CNTNAP2: variants seen among roughly 807,000 people sequenced by gnomAD.
The protein encoded by CNTNAP2 is contactin-associated protein-like 2.
A neutral mutation model predicts 155.2 loss-of-function variants in CNTNAP2; 98 were observed. The observed-to-expected ratio is 0.63, with a 90% CI of 0.54 to 0.75. CNTNAP2 has a LOEUF of 0.75. Among genes scored for constraint, CNTNAP2 ranks in the 30% least tolerant of loss-of-function variants. The probability of loss-of-function intolerance (pLI) is 0.00; values close to 1 mark genes in which losing one functional copy is unlikely to be tolerated. For missense variants in CNTNAP2, 1,727 were observed against 1,688.1 expected (o/e 1.02, Z -0.40); for synonymous variants, 651 against 631.2 (o/e 1.03, Z -0.47).
rs1014698450 is a variant in CNTNAP2 at position 148,228,869 on chromosome 7, C to T, written c.3248-777C>T. On this transcript the variant is annotated intron_variant, in intron 19 of 23. Coordinates refer to ENST00000361727, the MANE Select transcript of CNTNAP2 (RefSeq NM_014141.6). Reference sequence around the variant, plus strand: ...CTATGTTTATTTTTAATATTGTATGCTCATGATTCTTTTATATGCCCAATG... The same window carrying T: ...CTATGTTTATTTTTAATATTGTATGTTCATGATTCTTTTATATGCCCAATG... 2.7e-5 allele frequency among the ~76,000 whole-genome samples: 4 copies of T among 150,046 alleles called. No homozygotes were observed. The South Asian group carries it at 6.3e-4, about 24-fold the overall frequency.
At chr7:146,120,400 C>T (rs1373755787) in intron 1 of CNTNAP2, among the ~76,000 whole-genome samples, 25 of 152,004 alleles carry the variant, frequency 1.6e-4, no homozygotes, top group Admixed American at 1.6e-3. Context: ...ATTATAGGCA[C>T]GGATATTCAG....
chr7:146,489,215 A>G (rs987339246), intron 1 of CNTNAP2, among the ~76,000 whole-genome samples: 12 of 152,136 alleles, frequency 7.9e-5, no homozygotes, highest in Admixed American at 6.5e-4. Flanking sequence ...ATAATGTATC[A>G]ATTTTTAAAA....
At chr7:147,492,073 T>G (rs1798618942) in intron 11 of CNTNAP2, among the ~76,000 whole-genome samples, 1 of 152,136 alleles carries the variant, frequency 6.6e-6, no homozygotes, top group African/African-American at 2.4e-5. Flanking sequence ...CTCTCCAACG[T>G]TTTTGGCACC....
chr7:146,506,218 T>C (rs547690822), intron 1 of CNTNAP2, among the ~76,000 whole-genome samples: 1 of 152,280 alleles, frequency 6.6e-6, no homozygotes, highest in East Asian at 1.9e-4. Context: ...TGTCAGCACA[T>C]GCATATGCCC....
chr7:148,283,932 C>T (rs1406684000), intron 21 of CNTNAP2, among the ~76,000 whole-genome samples: 1 of 152,134 alleles, frequency 6.6e-6, no homozygotes, highest in Non-Finnish European at 1.5e-5. Flanking sequence ...AATGTTATGA[C>T]CAGATGCTTG....
intron 1 of CNTNAP2, among the ~76,000 whole-genome samples, chr7:146,657,022 T>G (rs534939661): frequency 7.9e-5 from 12 of 152,302 alleles, no homozygotes; most frequent in African/African-American, 2.9e-4. Flanking sequence ...TGCAAACAGA[T>G]TAAGCTACTA....
intron 3 of CNTNAP2, among the ~76,000 whole-genome samples, chr7:146,858,970 G>A (rs1795045358): frequency 6.6e-6 from 1 of 152,068 alleles, no homozygotes; most frequent in African/African-American, 2.4e-5. Flanking sequence ...ATAATGTAAG[G>A]GTTTTACATG....
intron 3 of CNTNAP2, among the ~76,000 whole-genome samples, chr7:146,964,741 T>C (rs1797622316): frequency 6.6e-6 from 1 of 152,194 alleles, no homozygotes; most frequent in South Asian, 2.1e-4. Context: ...GATACAAGTA[T>C]TGTAGGCTTT....
At chr7:146,846,533 G>C (rs962419332) in intron 3 of CNTNAP2, among the ~76,000 whole-genome samples, 2 of 152,106 alleles carry the variant, frequency 1.3e-5, no homozygotes, top group Non-Finnish European at 1.5e-5. Flanking sequence ...AAGTTGAGTG[G>C]ATATTCCAGA....
At position 146,540,000 on chromosome 7, in the gene CNTNAP2, C is replaced by T. The variant is rs116229662; in HGVS notation, c.98-234271C>T. ...AAGGGAAGTCAGAGGAGGGTGTTTA[C>T]ACAGGTGCAGCTTCTGGGCTGAGTG... On this transcript the variant is annotated intron_variant, in intron 1 of 23. Transcript: ENST00000361727. 2.2e-3 allele frequency among the ~76,000 whole-genome samples: 330 copies of T among 152,098 alleles called. 2 individuals are homozygous for T. Among genetic ancestry groups the T allele is most frequent in the African/African-American group, 7.3e-3 (304 of 41,504 alleles).
intron 13 of CNTNAP2, among the ~76,000 whole-genome samples, chr7:147,656,015 T>G (rs542305042): frequency 6.6e-6 from 1 of 152,350 alleles, no homozygotes; most frequent in East Asian, 1.9e-4. Context: ...GCTGTTTCAC[T>G]TTGCACTCTC....
intron 1 of CNTNAP2, among the ~76,000 whole-genome samples, chr7:146,412,669 T>C (rs1000393626): frequency 3.3e-5 from 5 of 152,246 alleles, no homozygotes; most frequent in Admixed American, 3.3e-4. Flanking sequence ...ATTAAAGTTG[T>C]GGTGCCTTAT....
chr7:148,354,678 GCTTT>G (rs1408523734), intron 21 of CNTNAP2, among the ~76,000 whole-genome samples: 1 of 150,232 alleles, frequency 6.7e-6, no homozygotes, highest in African/African-American at 2.5e-5. Context: ...TCCCTAAAAG[GCTTT>G]CTTTTTTTTT....
rs918437499 is a variant in CNTNAP2 at position 148,420,743 on chromosome 7, G to A, written c.*5127G>A. ...CAGGTTTTTTAAATTTTTTCAGTGA[G>A]CGTGGTGACTGCAGAGGTTAGTGCT... On this transcript the variant is annotated 3_prime_UTR_variant, in exon 24 of 24. Transcript: ENST00000361727. 3 of 152,518 alleles carry A rather than the reference G, an allele frequency of 2.0e-5. No homozygotes were observed. The highest frequency in any genetic ancestry group is 7.2e-5 in the African/African-American group (3 of 41,408). 9.4% of individuals were successfully genotyped at this position (152,518 alleles called of 1,614,324 possible).
chr7:147,120,561 A>G (rs990757941), intron 5 of CNTNAP2, among the ~76,000 whole-genome samples: 3 of 152,152 alleles, frequency 2.0e-5, no homozygotes, highest in Non-Finnish European at 4.4e-5. Flanking sequence ...AATAACTTGT[A>G]CGTACTTTGA....
chr7:147,058,362 TTATAGA>T (rs1302150771), intron 4 of CNTNAP2, among the ~76,000 whole-genome samples: 6 of 152,300 alleles, frequency 3.9e-5, no homozygotes, highest in South Asian at 2.1e-4. Flanking sequence ...TAATATTCTA[TTATAGA>T]TATAGTATGT....
rs1368249537 is a variant in CNTNAP2, at chr7:147,593,212, A to G, written c.1897+30955A>G. Among the ~76,000 whole-genome samples the G allele has an allele frequency of 2.8e-5, 4 of 141,090 alleles. No individual in the cohort carries two copies. In the East Asian group the frequency reaches 6.2e-4, roughly 22 times the overall value. 92.6% of individuals were successfully genotyped at this position (141,090 alleles called of 152,430 possible). A position where few individuals can be genotyped will look rare whatever the true frequency, so the allele number is the denominator to read the frequency against. ...GTGCACTTTCTTAAGACCTTCCCTT[A>G]TTTTTTTTTTTTTCATTTGCTGATT... On this transcript the variant is annotated intron_variant, in intron 12 of 23. Coordinates refer to ENST00000361727, the MANE Select transcript of CNTNAP2 (RefSeq NM_014141.6).
At chr7:148,236,075 T>C (rs1796037186) in intron 20 of CNTNAP2, among the ~76,000 whole-genome samples, 1 of 152,212 alleles carries the variant, frequency 6.6e-6, no homozygotes, top group South Asian at 2.1e-4. Context: ...ACTAGATCTG[T>C]GCTTTCTTTT....
At chr7:147,405,638 T>G (rs749685865) in intron 10 of CNTNAP2, among the ~76,000 whole-genome samples, 17 of 152,176 alleles carry the variant, frequency 1.1e-4, no homozygotes, top group Admixed American at 2.0e-4. Flanking sequence ...CTAAGTACAT[T>G]TTCAAATGAG....
Sources: allele counts gnomAD v4.1 joint callset (sites outside exome capture counted in the v4.1 genomes callset), GRCh38; gene constraint gnomAD v4.1.1; transcripts MANE v1.5; gene names NCBI Gene and HGNC (gene_info 2026-07-23, HGNC 2026-07-21).